Variants in FCGR2A observed in about 807,000 individuals in gnomAD.
FCGR2A encodes Fc gamma receptor IIa, also known as low affinity immunoglobulin gamma Fc region receptor II-a.
In FCGR2A, 18 loss-of-function variants were observed where a neutral mutation model predicts 29.3. That is an observed-to-expected ratio of 0.62 (90% confidence interval 0.43 to 0.91). FCGR2A has a LOEUF of 0.91. Ranked by LOEUF, FCGR2A falls within the 40% of genes least tolerant of loss-of-function variation. FCGR2A has a pLI of 0.00. For synonymous variants in FCGR2A, 126 were observed against 144.8 expected, an observed-to-expected ratio of 0.87 and a Z score of 0.93; for missense variants, 287 against 393.0, an observed-to-expected ratio of 0.73 and a Z score of 2.28.
downstream of FCGR2A, among the ~76,000 whole-genome samples, chr1:161,520,658 A>ATC (rs955062045): frequency 8.6e-5 from 13 of 150,998 alleles, no homozygotes; most frequent in African/African-American, 3.2e-4. Flanking sequence ...CCAAGCCACC[A>ATC]TCATTTCTCA....
At chr1:161,510,445 A>C in intron 4 of FCGR2A, 1 of 476,818 alleles carries the variant, frequency 2.1e-6, no homozygotes. Flanking sequence ...TCACTCCAGA[A>C]AGCCTGGCAC....
intron 3 of FCGR2A, among the ~76,000 whole-genome samples, chr1:161,509,474 T>TAATC (rs1230320018): frequency 6.6e-6 from 1 of 152,158 alleles, no homozygotes; most frequent in African/African-American, 2.4e-5. Flanking sequence ...ATTAAATTAG[T>TAATC]AATCCCCAGA....
intron 6 of FCGR2A, among the ~76,000 whole-genome samples, chr1:161,516,000 C>G (rs183266199): frequency 6.6e-6 from 1 of 152,110 alleles, no homozygotes; most frequent in African/African-American, 2.4e-5. Context: ...AAGAACTTTG[C>G]CAAAATGCTT....
At chr1:161,509,038 G>A (rs767008242) in intron 3 of FCGR2A, among the ~76,000 whole-genome samples, 7 of 152,182 alleles carry the variant, frequency 4.6e-5, no homozygotes, top group Non-Finnish European at 8.8e-5. Context: ...CAGGGTGATG[G>A]TATTAGGAGG....
At chr1:161,509,076 A>T (rs562215591) in intron 3 of FCGR2A, among the ~76,000 whole-genome samples, 1 of 152,338 alleles carries the variant, frequency 6.6e-6, no homozygotes, top group African/African-American at 2.4e-5. Flanking sequence ...TGATTAGGTC[A>T]TGAGGGCAGA....
chr1:161,509,799 TATC>T lies in FCGR2A; in HGVS notation c.365-18_365-16del. On this transcript the variant is annotated intron_variant, in intron 3 of 6. Coordinates refer to ENST00000271450, the MANE Select transcript of FCGR2A (RefSeq NM_001136219.3). ...GGAATCTATCCTTACAACTTTTTCTTATCATATTTGTGTCTTTCAGAATGGCTG... is the reference window on the plus strand; with the variant it reads ...GGAATCTATCCTTACAACTTTTTCTTATATTTGTGTCTTTCAGAATGGCTG... 6.2e-7 allele frequency: 1 copy of T among 1,613,632 alleles called. No individual in the cohort carries two copies. The highest frequency in any genetic ancestry group is 8.5e-7 in the Non-Finnish European group (1 of 1,179,690).
chr1:161,511,098 A>G, intron 5 of FCGR2A, 142 bp downstream of exon 5: 1 of 1,338,472 alleles, frequency 7.5e-7, no homozygotes, highest in South Asian at 1.3e-5. Flanking sequence ...TTCATTTATT[A>G]GTTCATCCTC....
chr1:161,521,909 G>A (rs184667452), downstream of FCGR2A, among the ~76,000 whole-genome samples: 2 of 151,090 alleles, frequency 1.3e-5, no homozygotes, highest in African/African-American at 2.4e-5. Flanking sequence ...CTTTTTTTTT[G>A]TACTCAATAT....
At chr1:161,506,033 A>ATTGACAGTGTT (rs1169775060) in intron 2 of FCGR2A, 26 bp downstream of exon 2, 1 of 1,609,866 alleles carries the variant, frequency 6.2e-7, no homozygotes, top group East Asian at 2.2e-5. Flanking sequence ...GCTTCCTTGT[A>ATTGACAGTGTT]TTGACAGTGT....
At chr1:161,520,328 C>G (rs1470465938), downstream of FCGR2A, among the ~76,000 whole-genome samples, 1 of 152,118 alleles carries the variant, frequency 6.6e-6, no homozygotes, top group Non-Finnish European at 1.5e-5. Flanking sequence ...CACATGATGG[C>G]AGGACAGAGT....
chr1:161,511,114 G>A (rs931989465), intron 5 of FCGR2A, among the ~76,000 whole-genome samples, 158 bp downstream of exon 5: 2 of 152,204 alleles, frequency 1.3e-5, no homozygotes, highest in Non-Finnish European at 2.9e-5. Flanking sequence ...TCCTCAACAA[G>A]AGCACTAATA....
At chr1:161,509,399 A>G (rs1195292222) in intron 3 of FCGR2A, among the ~76,000 whole-genome samples, 1 of 151,424 alleles carries the variant, frequency 6.6e-6, no homozygotes, top group African/African-American at 2.4e-5. Flanking sequence ...AGAAGGCTCT[A>G]CTTCTTTGCT....
intron 2 of FCGR2A, 74 bp from the exon 3 acceptor site, chr1:161,506,260 C>G (rs1675382486): frequency 1.3e-6 from 2 of 1,585,188 alleles, no homozygotes; most frequent in Admixed American, 3.4e-5. Context: ...CCTGACCTCC[C>G]TTGGGAGCTC....
chr1:161,515,925 A>C (rs970648418), intron 6 of FCGR2A, among the ~76,000 whole-genome samples: 3 of 152,210 alleles, frequency 2.0e-5, no homozygotes, highest in Non-Finnish European at 4.4e-5. Context: ...AAACAGTATT[A>C]AAGGAGCTCA....
Position 161,519,119 on chromosome 1 carries a change from A to G in FCGR2A, c.*971A>G. Reference sequence around the variant, plus strand: ...ATTTGAGAAGAGAATTAGAGAGGTGAGGATCTGGTATTTCCTGGACTAAAT... The same window carrying G: ...ATTTGAGAAGAGAATTAGAGAGGTGGGGATCTGGTATTTCCTGGACTAAAT... On this transcript the variant is annotated 3_prime_UTR_variant, in exon 7 of 7. Transcript: ENST00000271450. 6.3e-6 allele frequency: 1 copy of G among 158,776 alleles called. No homozygotes were observed. The highest frequency in any genetic ancestry group is 2.4e-5 in the African/African-American group (1 of 41,692). The allele number at this position is 158,776 out of a possible 1,614,324, so 9.8% of individuals were successfully genotyped here. A position where few individuals can be genotyped will look rare whatever the true frequency, so the allele number is the denominator to read the frequency against.
chr1:161,508,172 G>T (rs140963346), intron 3 of FCGR2A, among the ~76,000 whole-genome samples: 156 of 149,172 alleles, frequency 1.0e-3, no homozygotes, highest in African/African-American at 3.8e-3. Context: ...ATTGTACAAA[G>T]AAATGCAACT....
intron 3 of FCGR2A, 89 bp downstream of exon 3, chr1:161,506,680 C>T (rs569842545): frequency 5.1e-6 from 8 of 1,577,514 alleles, no homozygotes; most frequent in East Asian, 4.5e-5. Context: ...AAAGAGTGGG[C>T]GTGGACTGCT....
chr1:161,510,029 G>A lies in FCGR2A; in HGVS notation c.574G>A (p.Gly192Ser). 6.2e-7 allele frequency: 1 copy of A among 1,613,924 alleles called. No homozygotes were observed. The highest frequency in any genetic ancestry group is 8.5e-7 in the Non-Finnish European group (1 of 1,179,848). ...TGATTACCACTGCACAGGAAACATAGGCTACACGCTGTTCTCATCCAAGCC... is the reference window on the plus strand; with the variant it reads ...TGATTACCACTGCACAGGAAACATAAGCTACACGCTGTTCTCATCCAAGCC... ...SGDYHCTGNI[G>S]YTLFSSKPVT... The change falls in exon 4 of 7, where the codon GGC (glycine) becomes AGC (serine). Residue 192 changes from glycine to serine, a missense_variant. By Grantham distance (56) the Gly-to-Ser change is moderately conservative (BLOSUM62 0). Transcript: ENST00000271450.
rs1367504060 is a variant in FCGR2A at position 161,518,771 on chromosome 1, G to T, written c.*623G>T. 6.4e-6 allele frequency: 1 copy of T among 155,624 alleles called. No homozygotes were observed. The highest frequency in any genetic ancestry group is 2.4e-5 in the African/African-American group (1 of 41,424). 9.6% of individuals were successfully genotyped at this position (155,624 alleles called of 1,614,324 possible). On this transcript the variant is annotated 3_prime_UTR_variant, in exon 7 of 7. Coordinates refer to ENST00000271450, the MANE Select transcript of FCGR2A (RefSeq NM_001136219.3). ...TTAGAGGCATGTGCCATCATACCCA[G>T]CTAATTTTTGTATTTTTTATTTTTT...
Sources: gnomAD v4.1 joint callset for allele counts (sites outside exome capture counted in the v4.1 genomes callset) on GRCh38, gnomAD v4.1.1 for gene constraint, MANE v1.5 for transcripts, NCBI Gene and HGNC (gene_info 2026-07-23, HGNC 2026-07-21) for gene names.